GPHN: variants seen among roughly 807,000 people sequenced by gnomAD.
GPHN encodes gephyrin.
GPHN carries 17 observed loss-of-function variants against 95.5 expected under a neutral mutation model. The ratio of observed to expected loss-of-function variants is 0.18; its 90% CI spans 0.12 to 0.27. The LOEUF is 0.27. GPHN is among the 10% of genes least tolerant of loss of function. GPHN has a pLI of 1.00. For synonymous variants in GPHN, 320 were observed against 322.5 expected, an observed-to-expected ratio of 0.99 and a Z score of 0.08; for missense variants, 660 against 978.1, an observed-to-expected ratio of 0.67 and a Z score of 4.34.
the GPHN span, among the ~76,000 whole-genome samples, chr14:67,643,284 G>A: frequency 6.6e-6 from 1 of 152,088 alleles, no homozygotes; most frequent in Non-Finnish European, 1.5e-5. Context: ...AAATATACAT[G>A]GAATAAACAA....
chr14:67,703,459 T>G, the GPHN span, among the ~76,000 whole-genome samples: 1 of 152,220 alleles, frequency 6.6e-6, no homozygotes. Context: ...AGTAATACTA[T>G]AAACAGTGAG....
chr14:67,434,584 A>T, the GPHN span, among the ~76,000 whole-genome samples: 6 of 152,206 alleles, frequency 3.9e-5, no homozygotes, highest in African/African-American at 1.4e-4. Flanking sequence ...AAAGTTCGAG[A>T]GCCACTAGAC....
At chr14:67,460,533 G>T in the GPHN span, among the ~76,000 whole-genome samples, 1 of 152,074 alleles carries the variant, frequency 6.6e-6, no homozygotes, top group African/African-American at 2.4e-5. Context: ...TGAAACCCCC[G>T]TCTCTACTAA....
At chr14:67,380,837 C>T in the GPHN span, 1 of 757,794 alleles carries the variant, frequency 1.3e-6, no homozygotes, top group Non-Finnish European at 2.0e-6. Flanking sequence ...ATGAGACTTA[C>T]CAAAGAATAT....
intron 2 of GPHN, among the ~76,000 whole-genome samples, chr14:66,687,070 T>C (rs995938160): frequency 1.3e-5 from 2 of 152,204 alleles, no homozygotes; most frequent in African/African-American, 2.4e-5. Flanking sequence ...TTTGCGTATG[T>C]TGAACCAGCC....
At chr14:66,944,614 T>G (rs77502380) in intron 8 of GPHN, among the ~76,000 whole-genome samples, 2,301 of 152,264 alleles carry the variant, frequency 0.015, 32 homozygotes, top group Non-Finnish European at 0.018. Flanking sequence ...AAACCCTCAC[T>G]TAAAAATAAA....
chr14:67,163,513 A>G (rs2082082803), intron 19 of GPHN, among the ~76,000 whole-genome samples: 2 of 152,234 alleles, frequency 1.3e-5, no homozygotes, highest in East Asian at 1.9e-4. Context: ...AACTATAGAA[A>G]CATAGCAATG....
intron 1 of GPHN, among the ~76,000 whole-genome samples, chr14:66,556,415 T>G (rs1226837354): frequency 6.6e-6 from 1 of 152,178 alleles, no homozygotes; most frequent in Non-Finnish European, 1.5e-5. Flanking sequence ...AGAGATGTCG[T>G]TAATGGTTTT....
intron 1 of GPHN, among the ~76,000 whole-genome samples, chr14:66,521,126 T>G (rs1409253672): frequency 1.3e-5 from 2 of 152,216 alleles, no homozygotes; most frequent in Non-Finnish European, 2.9e-5. Context: ...TTTAGGTTGA[T>G]TCCATGTCTT....
At chr14:66,522,671 C>CT (rs1176714675) in intron 1 of GPHN, among the ~76,000 whole-genome samples, 3 of 151,858 alleles carry the variant, frequency 2.0e-5, no homozygotes, top group South Asian at 2.1e-4. Context: ...TATTCTTTTA[C>CT]TTTTTTTGCT....
chr14:66,839,249 T>C (rs2061980331), intron 4 of GPHN, among the ~76,000 whole-genome samples: 1 of 152,200 alleles, frequency 6.6e-6, no homozygotes, highest in Non-Finnish European at 1.5e-5. Flanking sequence ...AAGGCAACAA[T>C]GTGGAAGAAG....
the GPHN span, chr14:67,272,177 A>C: frequency 1.3e-5 from 2 of 152,002 alleles, 1 homozygote; most frequent in South Asian, 4.1e-4. Context: ...TGATTCTCTT[A>C]TTCTATGGAA....
At chr14:67,011,408 A>C (rs950450373) in intron 9 of GPHN, among the ~76,000 whole-genome samples, 1 of 149,728 alleles carries the variant, frequency 6.7e-6, no homozygotes, top group Admixed American at 6.7e-5. Context: ...CCCCACCTCT[A>C]CAAAAAAAAA....
rs1421893686 is a variant in GPHN, at chr14:67,144,286, T to TATATACATATATATATATATATATATAC, written c.1836+838_1836+839insTATACATATATATATATATATATATACA. Among the ~76,000 whole-genome samples the TATATACATATATATATATATATATATAC allele has an allele frequency of 1.4e-4, 11 of 78,116 alleles. 2 individuals carry two copies. The highest frequency in any genetic ancestry group is 5.8e-4 in the East Asian group (1 of 1,728). The allele number at this position is 78,116 out of a possible 152,430, so 51.2% of individuals were successfully genotyped here. A position where few individuals can be genotyped will look rare whatever the true frequency, so the allele number is the denominator to read the frequency against. ...ATATATATATATATATATATATATA[T>TATATACATATATATATATATATATATAC]ACACACACACATACACAAATATTTT... On this transcript the variant is annotated intron_variant, in intron 18 of 22. Coordinates refer to ENST00000478722, the MANE Select transcript of GPHN (RefSeq NM_020806.5).
At chr14:66,617,643 T>C (rs1016225541) in intron 1 of GPHN, among the ~76,000 whole-genome samples, 2 of 152,242 alleles carry the variant, frequency 1.3e-5, no homozygotes, top group Non-Finnish European at 2.9e-5. Flanking sequence ...TGGCTGTTTC[T>C]ACTCTGCCAT....
At chr14:67,446,176 T>A in the GPHN span, 3 of 393,014 alleles carry the variant, frequency 7.6e-6, no homozygotes, top group South Asian at 5.9e-5. Context: ...ACTCGGCGCC[T>A]TTGGGCAAAT....
intron 9 of GPHN, among the ~76,000 whole-genome samples, chr14:67,021,865 G>A (rs2073646125): frequency 6.6e-6 from 1 of 152,044 alleles, no homozygotes; most frequent in South Asian, 2.1e-4. Context: ...ACATTGCTTT[G>A]CGCTATGGGT....
At chr14:66,798,058 T>C (rs1407745207) in intron 3 of GPHN, among the ~76,000 whole-genome samples, 3 of 151,968 alleles carry the variant, frequency 2.0e-5, no homozygotes, top group African/African-American at 7.2e-5. Context: ...TATCAAATGC[T>C]TTGTTAGCAT....
the GPHN span, among the ~76,000 whole-genome samples, chr14:67,496,267 A>T: frequency 6.6e-6 from 1 of 151,210 alleles, no homozygotes; most frequent in Non-Finnish European, 1.5e-5. Flanking sequence ...TAATTTTTGT[A>T]TTTTTGGTAG....
Sources: allele counts gnomAD v4.1 joint callset (sites outside exome capture counted in the v4.1 genomes callset), GRCh38; gene constraint gnomAD v4.1.1; transcripts MANE v1.5; gene names NCBI Gene and HGNC (gene_info 2026-07-23, HGNC 2026-07-21).